The following MYO10 variants were observed in gnomAD, a reference collection of about 807,000 sequenced individuals.
MYO10 encodes myosin X.
In MYO10, 133 loss-of-function variants were observed where a neutral mutation model predicts 257.3. That is an observed-to-expected ratio of 0.52 (90% CI 0.45 to 0.60). The LOEUF (loss-of-function observed/expected upper bound fraction) is 0.60. Among genes scored for constraint, MYO10 ranks in the 20% least tolerant of loss-of-function variants. MYO10 has a pLI of 0.00. For synonymous variants in MYO10, 1,104 were observed against 1,028.6 expected (o/e 1.07, Z -1.40); for missense variants, 2,399 against 2,635.7 (o/e 0.91, Z 1.97).
intron 19 of MYO10, among the ~76,000 whole-genome samples, chr5:16,737,689 G>C (rs879653288): frequency 3.9e-5 from 6 of 152,208 alleles, no homozygotes; most frequent in African/African-American, 7.2e-5. Context: ...GTTTTCAAGA[G>C]GAGGTGGTTT....
At chr5:16,781,290 G>A (rs759391773) in intron 6 of MYO10, among the ~76,000 whole-genome samples, 4 of 151,864 alleles carry the variant, frequency 2.6e-5, no homozygotes, top group Admixed American at 2.6e-4. Context: ...ATGTTGGCCG[G>A]GCTGGTCTCA....
intron 2 of MYO10, among the ~76,000 whole-genome samples, chr5:16,853,565 G>A (rs1483015): frequency 0.031 from 4,714 of 152,212 alleles, 243 homozygotes; most frequent in African/African-American, 0.11. Context: ...CAACAGAAGA[G>A]GCATGAGGAA....
At chr5:16,890,516 T>C (rs1040329736) in intron 1 of MYO10, among the ~76,000 whole-genome samples, 1 of 151,812 alleles carries the variant, frequency 6.6e-6, no homozygotes, top group Non-Finnish European at 1.5e-5. Context: ...GGATTTTTTT[T>C]TAATGTGGTC....
intron 1 of MYO10, among the ~76,000 whole-genome samples, chr5:16,894,783 G>T (rs777720020): frequency 3.3e-5 from 5 of 152,154 alleles, no homozygotes; most frequent in Non-Finnish European, 5.9e-5. Context: ...TGGAGCCTGC[G>T]GTGTTGGAGG....
chr5:16,864,761 T>C (rs253318), intron 2 of MYO10, among the ~76,000 whole-genome samples: 4,115 of 152,294 alleles, frequency 0.027, 185 homozygotes, highest in African/African-American at 0.086. Flanking sequence ...AATGGAAACA[T>C]CTGACTTTCC....
intron 1 of MYO10, among the ~76,000 whole-genome samples, chr5:16,881,121 C>T (rs1490042949): frequency 6.6e-6 from 1 of 152,156 alleles, no homozygotes; most frequent in Non-Finnish European, 1.5e-5. Flanking sequence ...TAGTCCAAAG[C>T]TTTCTGTGTA....
intron 19 of MYO10, among the ~76,000 whole-genome samples, chr5:16,723,342 T>A (rs1052038772): frequency 6.6e-6 from 1 of 151,840 alleles, no homozygotes; most frequent in African/African-American, 2.4e-5. Flanking sequence ...GAGCCAAGGT[T>A]GCGCCACTGC....
intron 32 of MYO10, 58 bp downstream of exon 32, chr5:16,681,251 G>A (rs748135795): frequency 4.3e-5 from 65 of 1,510,924 alleles, no homozygotes; most frequent in Middle Eastern, 3.9e-4. Context: ...TCCTTTGCCC[G>A]GAGCAAGCCC....
chr5:16,748,621 A>AGAGGGAGGGAGAGAGGGAGAGAGG (rs1560963932), intron 19 of MYO10, among the ~76,000 whole-genome samples: 205 of 135,468 alleles, frequency 1.5e-3, no homozygotes, highest in African/African-American at 5.5e-3. Flanking sequence ...AGAGAGGGAG[A>AGAGGGAGGGAGAGAGGGAGAGAGG]GAGGGAGGGA....
Position 16,675,079 on chromosome 5 carries a change from C to T in MYO10, c.4738G>A (p.Glu1580Lys). The T allele has an allele frequency of 6.2e-7, 1 of 1,613,900 alleles. No homozygotes were observed. Among genetic ancestry groups the T allele is most frequent in the Admixed American group, 1.7e-5 (1 of 59,998 alleles). ...ATTGGAATTGGGTCAGACATGGACT[C>T]CAGTTGCTGCAGGGAATTGAATATC... ...IKIFNSLQQL[E>K]SMSDPIPIIQ... Residue 1580 changes from glutamate to lysine, a missense_variant, in exon 35 of 41, where the codon GAG (glutamate) becomes AAG (lysine). Coordinates refer to ENST00000513610, the MANE Select transcript of MYO10 (RefSeq NM_012334.3).
chr5:16,934,249 C>G (rs1746372768), intron 1 of MYO10, among the ~76,000 whole-genome samples: 1 of 152,254 alleles, frequency 6.6e-6, no homozygotes, highest in African/African-American at 2.4e-5. Flanking sequence ...AGAGTTCTCC[C>G]CAAGGGGGAG....
intron 1 of MYO10, among the ~76,000 whole-genome samples, chr5:16,914,284 G>A (rs1745754145): frequency 6.6e-6 from 1 of 152,260 alleles, no homozygotes; most frequent in African/African-American, 2.4e-5. Context: ...TGGCCATGCC[G>A]CCTTCCTTCG....
chr5:16,681,589 G>T, intron 31 of MYO10, 86 bp from the exon 32 acceptor site: 1 of 1,338,852 alleles, frequency 7.5e-7, no homozygotes, highest in South Asian at 1.4e-5. Flanking sequence ...GCTAACACAT[G>T]GGTGGGGTTT....
At chr5:16,793,479 G>A (rs779470326) in intron 4 of MYO10, among the ~76,000 whole-genome samples, 1 of 151,936 alleles carries the variant, frequency 6.6e-6, no homozygotes, top group Admixed American at 6.6e-5. Flanking sequence ...ATGAGCCACC[G>A]CGCCTGGCTG....
At chr5:16,885,156 C>T (rs1561038316) in intron 1 of MYO10, among the ~76,000 whole-genome samples, 1 of 151,066 alleles carries the variant, frequency 6.6e-6, no homozygotes, top group African/African-American at 2.4e-5. Context: ...GGCAGTGGTG[C>T]TAGAAGAACA....
intron 1 of MYO10, among the ~76,000 whole-genome samples, chr5:16,929,267 T>C (rs1481821898): frequency 1.3e-5 from 2 of 152,174 alleles, no homozygotes; most frequent in East Asian, 3.9e-4. Context: ...CAGTGGCATG[T>C]TCAAAAGCTG....
chr5:16,810,759 A>G (rs1742411597), intron 3 of MYO10, among the ~76,000 whole-genome samples: 1 of 152,082 alleles, frequency 6.6e-6, no homozygotes, highest in Non-Finnish European at 1.5e-5. Flanking sequence ...TGGGTGACAG[A>G]GCGGGATCCT....
chr5:16,709,430 C>A (rs73051047), intron 21 of MYO10, among the ~76,000 whole-genome samples: 2 of 152,174 alleles, frequency 1.3e-5, no homozygotes, highest in African/African-American at 4.8e-5. Flanking sequence ...TCTGTGAGAA[C>A]GCTACAACCC....
chr5:16,717,309 T>C (rs1449460076), intron 19 of MYO10, among the ~76,000 whole-genome samples: 1 of 152,178 alleles, frequency 6.6e-6, no homozygotes, highest in Non-Finnish European at 1.5e-5. Flanking sequence ...CTGAAAGGAA[T>C]GAAAACTTCT....
Sources: allele counts gnomAD v4.1 joint callset (sites outside exome capture counted in the v4.1 genomes callset), GRCh38; gene constraint gnomAD v4.1.1; transcripts MANE v1.5; gene names NCBI Gene and HGNC (gene_info 2026-07-23, HGNC 2026-07-21).